The following USP48 variants were observed in gnomAD, a reference collection of about 807,000 sequenced individuals.
USP48 encodes ubiquitin carboxyl-terminal hydrolase 48.
Under a neutral mutation model 150.7 loss-of-function variants are expected in USP48, and 43 were observed. The ratio of observed to expected loss-of-function variants is 0.29; its 90% CI spans 0.22 to 0.37. The LOEUF is 0.37. Among genes scored for constraint, USP48 ranks in the 10% least tolerant of loss-of-function variants. The probability of loss-of-function intolerance (pLI) is 1.00; values close to 1 mark genes in which losing one functional copy is unlikely to be tolerated. For missense variants in USP48, 813 were observed against 1,249.6 expected (o/e 0.65, Z 5.27); for synonymous variants, 396 against 425.9 (o/e 0.93, Z 0.86).
chr1:21,749,207 C>T (rs953594939), intron 6 of USP48, among the ~76,000 whole-genome samples: 3 of 152,102 alleles, frequency 2.0e-5, no homozygotes, highest in Non-Finnish European at 4.4e-5. Flanking sequence ...TAATGCAATA[C>T]TGGTACCATC....
chr1:21,756,980 G>A, intron 2 of USP48: 1 of 985,242 alleles, frequency 1.0e-6, no homozygotes, highest in Non-Finnish European at 1.2e-6. Context: ...TTAGAACAGT[G>A]GATTCTAGAA....
intron 1 of USP48, among the ~76,000 whole-genome samples, chr1:21,760,716 CAAAAAAAATAAA>C (rs1438597690): frequency 2.7e-5 from 4 of 147,026 alleles, no homozygotes; most frequent in African/African-American, 1.0e-4. Context: ...AACTCTATCT[CAAAAAAAATAAA>C]AATAAAAATA....
chr1:21,776,496 G>A (rs2152653403), intron 1 of USP48, among the ~76,000 whole-genome samples: 1 of 150,016 alleles, frequency 6.7e-6, no homozygotes, highest in East Asian at 2.0e-4. Flanking sequence ...GGCTGAGGAG[G>A]GAGGACTGCT....
At chr1:21,750,411 G>A (rs770515122) in intron 6 of USP48, among the ~76,000 whole-genome samples, 9 of 151,874 alleles carry the variant, frequency 5.9e-5, no homozygotes, top group East Asian at 5.8e-4. Context: ...ATTGCCCAGC[G>A]CCACATTCCC....
intron 1 of USP48, among the ~76,000 whole-genome samples, chr1:21,781,404 A>C (rs1158327249): frequency 6.6e-6 from 1 of 152,028 alleles, no homozygotes; most frequent in Non-Finnish European, 1.5e-5. Flanking sequence ...ACGCCATTGC[A>C]CTCTAGCCTG....
chr1:21,753,321 G>A (rs1344517243), intron 3 of USP48, among the ~76,000 whole-genome samples: 1 of 152,028 alleles, frequency 6.6e-6, no homozygotes, highest in African/African-American at 2.4e-5. Flanking sequence ...GGAGGCCAAA[G>A]CAGGCAGATC....
At chr1:21,699,880 T>G (rs1036177954) in intron 22 of USP48, among the ~76,000 whole-genome samples, 1 of 151,474 alleles carries the variant, frequency 6.6e-6, no homozygotes, top group Non-Finnish European at 1.5e-5. Flanking sequence ...TGCACAAATG[T>G]GGCTCGAAAG....
chr1:21,685,329 CTTTTT>C (rs555922788), intron 25 of USP48, among the ~76,000 whole-genome samples: 1 of 136,388 alleles, frequency 7.3e-6, no homozygotes, highest in Admixed American at 7.3e-5. Flanking sequence ...GCTTTCTTTT[CTTTTT>C]TTTTTTTTTG....
rs1418993723 is a variant in USP48, at chr1:21,753,730, G to A, written c.413-611C>T. On this transcript the variant is annotated intron_variant, in intron 3 of 26. Coordinates refer to ENST00000308271, the MANE Select transcript of USP48 (RefSeq NM_032236.8). ...TAATCCCTGCTACTTGGGAGGCTGG[G>A]GTTCAAGGATAGCTTGAACCCAGGA... 2.7e-5 allele frequency among the ~76,000 whole-genome samples: 4 copies of A among 150,924 alleles called. No homozygotes were observed. In the East Asian group the frequency reaches 7.8e-4, roughly 29 times the overall value.
rs1279166287 is a variant in USP48 at position 21,756,552 on chromosome 1, C to T, written c.406G>A (p.Glu136Lys). Reference protein sequence around the residue: ...DYMLGDGIQEEKDYEPQTICE... With the variant: ...DYMLGDGIQEKKDYEPQTICE... ...CCCACCCCTTTCCACCCACCTTTTT[C>T]TTCTTGGATGCCGTCTCCCAGCATG... Residue 136 changes from glutamate (E) to lysine (K), a missense_variant, in exon 3 of 27, where the codon GAA becomes AAA. Transcript: ENST00000308271. The T allele has an allele frequency of 6.4e-7, 1 of 1,562,576 alleles. No individual in the cohort carries two copies. Among genetic ancestry groups the T allele is most frequent in the Non-Finnish European group, 8.6e-7 (1 of 1,161,050 alleles).
At chr1:21,759,075 T>C (rs2097843755) in intron 1 of USP48, among the ~76,000 whole-genome samples, 1 of 146,058 alleles carries the variant, frequency 6.8e-6, no homozygotes. Context: ...GGCTGAAGAC[T>C]GGAGGCTGAT....
At position 21,727,676 on chromosome 1, in the gene USP48, G is replaced by A. The variant is rs146962752; in HGVS notation, c.1450+894C>T. Among the ~76,000 whole-genome samples, 336 of 152,214 alleles carry A rather than the reference G, an allele frequency of 2.2e-3. 2 individuals carry two copies. The highest frequency in any genetic ancestry group is 7.0e-3 in the African/African-American group (289 of 41,514). Reference sequence around the variant, plus strand: ...ATTAAGGTCAGTTTAATTATTTAGGGTAATCCCAACCCTTGGACAGAGTTA... The same window carrying A: ...ATTAAGGTCAGTTTAATTATTTAGGATAATCCCAACCCTTGGACAGAGTTA... On this transcript the variant is annotated intron_variant, in intron 11 of 26. Transcript: ENST00000308271.
intron 15 of USP48, among the ~76,000 whole-genome samples, chr1:21,708,912 GAAAA>G (rs2097682318): frequency 3.2e-5 from 1 of 31,152 alleles, no homozygotes; most frequent in African/African-American, 7.0e-5. Context: ...AGAAAGAAAA[GAAAA>G]GAAAAGAAAA....
At chr1:21,688,739 A>C (rs764793586) in intron 24 of USP48, among the ~76,000 whole-genome samples, 2 of 148,064 alleles carry the variant, frequency 1.4e-5, no homozygotes, top group Non-Finnish European at 3.0e-5. Context: ...GATACTCGGG[A>C]GGCCGCGGCA....
intron 26 of USP48, 128 bp from the exon 27 acceptor site, chr1:21,679,567 G>T: frequency 6.1e-6 from 7 of 1,154,418 alleles, no homozygotes. Context: ...GTCGCACCTT[G>T]GTGTGGGAGG....
chr1:21,713,587 T>C (rs1398112505), intron 15 of USP48, among the ~76,000 whole-genome samples: 4 of 152,152 alleles, frequency 2.6e-5, no homozygotes, highest in African/African-American at 9.6e-5. Flanking sequence ...TCCAGCACTG[T>C]TTCAAGTGGT....
At chr1:21,713,600 CA>C in intron 15 of USP48, among the ~76,000 whole-genome samples, 1 of 152,316 alleles carries the variant, frequency 6.6e-6, no homozygotes, top group Non-Finnish European at 1.5e-5. Context: ...CAAGTGGTAG[CA>C]CCAAGCATGA....
chr1:21,737,699 TAC>T (rs1308687693), intron 8 of USP48, among the ~76,000 whole-genome samples: 10 of 152,200 alleles, frequency 6.6e-5, no homozygotes, highest in Non-Finnish European at 1.5e-5. Flanking sequence ...TACTGAAACC[TAC>T]AGTTTTTTTC....
chr1:21,757,473 G>T, intron 2 of USP48, 190 bp downstream of exon 2: 1 of 458,506 alleles, frequency 2.2e-6, no homozygotes, highest in Non-Finnish European at 3.7e-6. Flanking sequence ...TTACGCAGCT[G>T]CCTGTTTTAA....
Sources: gnomAD v4.1 joint callset for allele counts (sites outside exome capture counted in the v4.1 genomes callset) on GRCh38, gnomAD v4.1.1 for gene constraint, MANE v1.5 for transcripts, NCBI Gene and HGNC (gene_info 2026-07-23, HGNC 2026-07-21) for gene names.